The following CFAP97D2 variants were observed in gnomAD, a reference collection of about 807,000 sequenced individuals.
The protein encoded by CFAP97D2 is uncharacterized protein CFAP97D2.
At chr13:114,214,452 A>T (rs2080984696) in intron 4 of CFAP97D2, among the ~76,000 whole-genome samples, 1 of 152,178 alleles carries the variant, frequency 6.6e-6, no homozygotes, top group African/African-American at 2.4e-5. Context: ...TAAACCATAA[A>T]ATGTCAAACA....
chr13:114,208,840 T>C (rs2080953438), intron 3 of CFAP97D2, among the ~76,000 whole-genome samples: 1 of 152,186 alleles, frequency 6.6e-6, no homozygotes, highest in Admixed American at 6.5e-5. Context: ...CAGTTTTCTA[T>C]ACAGAAGCCT....
In CFAP97D2 at chr13:114,187,724, C is replaced by T. The variant is rs77776760; in HGVS notation, c.90+8304C>T. On this transcript the variant is annotated intron_variant, in intron 1 of 4. Coordinates refer to ENST00000646158, the Ensembl canonical transcript of CFAP97D2. This position sits in a 1 kb window ranked among gnomAD's most constrained non-coding sequence, Gnocchi z 4.2. ...AAATCAGTAAGGACATAGTTGAACT[C>T]AACGTCATCATCAATCAACTAGATA... Among the ~76,000 whole-genome samples the T allele has an allele frequency of 0.013, 1,981 of 152,248 alleles. 42 individuals are homozygous for T. Among genetic ancestry groups the T allele is most frequent in the African/African-American group, 0.044 (1,837 of 41,544 alleles).
At chr13:114,206,625 A>G (rs1318596728) in intron 3 of CFAP97D2, among the ~76,000 whole-genome samples, 1 of 152,234 alleles carries the variant, frequency 6.6e-6, no homozygotes, top group Non-Finnish European at 1.5e-5. Flanking sequence ...ATCTATAGAA[A>G]CAGAAAGTAG....
At chr13:114,182,386 G>A (rs952531353) in intron 1 of CFAP97D2, among the ~76,000 whole-genome samples, 56 of 149,208 alleles carry the variant, frequency 3.8e-4, no homozygotes, top group South Asian at 1.7e-3. Flanking sequence ...GTTTTATACC[G>A]AGACATTCAG....
chr13:114,188,983 AAAG>A (rs1489976771), intron 1 of CFAP97D2, among the ~76,000 whole-genome samples: 2 of 149,984 alleles, frequency 1.3e-5, no homozygotes, highest in East Asian at 3.9e-4. Flanking sequence ...AACTAAGAAA[AAAG>A]AAGGAGGAGG....
intron 4 of CFAP97D2, among the ~76,000 whole-genome samples, chr13:114,221,871 A>T (rs1164058250): frequency 1.3e-5 from 2 of 152,204 alleles, no homozygotes; most frequent in African/African-American, 4.8e-5. Flanking sequence ...TATATTCGAG[A>T]GACTTGAAAA....
intron 3 of CFAP97D2, among the ~76,000 whole-genome samples, chr13:114,204,407 C>G (rs763511444): frequency 1.3e-5 from 2 of 152,190 alleles, no homozygotes; most frequent in African/African-American, 2.4e-5. Context: ...CTTGGTCCCA[C>G]CAGCTTGACT....
chr13:114,180,313 G>T (rs1165256709), intron 1 of CFAP97D2, among the ~76,000 whole-genome samples: 1 of 152,138 alleles, frequency 6.6e-6, no homozygotes, highest in Non-Finnish European at 1.5e-5. Flanking sequence ...TTCCTCCTAG[G>T]GTTGCAAGTG....
chr13:114,221,713 TA>T (rs879790631), intron 4 of CFAP97D2, among the ~76,000 whole-genome samples: 117 of 113,668 alleles, frequency 1.0e-3, no homozygotes, highest in African/African-American at 1.6e-3. Flanking sequence ...TAAAGTGTAA[TA>T]AAAAAAAAAG....
rs1459915330 is a variant in CFAP97D2 at position 114,203,280 on chromosome 13, C to G, written c.290+2837C>G. Reference sequence around the variant, plus strand: ...TGTGTTTTTATATACTTGCAATGAGCAATCTGAAGAGGAAACTAAGAAAAC... The same window carrying G: ...TGTGTTTTTATATACTTGCAATGAGGAATCTGAAGAGGAAACTAAGAAAAC... On this transcript the variant is annotated intron_variant, in intron 3 of 4. Transcript: ENST00000646158. This position sits in a 1 kb window ranked among gnomAD's most constrained non-coding sequence, Gnocchi z 4.3. Among the ~76,000 whole-genome samples, 1 of 152,038 alleles carries G rather than the reference C, an allele frequency of 6.6e-6. No homozygotes were observed. The highest frequency in any genetic ancestry group is 1.5e-5 in the Non-Finnish European group (1 of 68,016).
intron 4 of CFAP97D2, among the ~76,000 whole-genome samples, chr13:114,216,504 T>C (rs2080994081): frequency 6.6e-6 from 1 of 152,008 alleles, no homozygotes. Context: ...TGTGTTCTCA[T>C]TGTTCAATTC....
At position 114,199,960 on chromosome 13, in the gene CFAP97D2, C is replaced by G. The variant is rs374450144; in HGVS notation, c.172-365C>G. Reference sequence around the variant, plus strand: ...CCCGTGCTTACGGTCCCCGATGAGGCGTGACGGCGCGTCCCCGTGCTTACG... The same window carrying G: ...CCCGTGCTTACGGTCCCCGATGAGGGGTGACGGCGCGTCCCCGTGCTTACG... On this transcript the variant is annotated intron_variant, in intron 2 of 4. Coordinates refer to ENST00000646158, the Ensembl canonical transcript of CFAP97D2. Among the ~76,000 whole-genome samples, 5 of 50,022 alleles carry G rather than the reference C, an allele frequency of 1.0e-4. 1 individual carries two copies. Among genetic ancestry groups the G allele is most frequent in the East Asian group, 1.2e-3 (2 of 1,604 alleles). The allele number at this position is 50,022 out of a possible 152,430, so 32.8% of individuals were successfully genotyped here.
At chr13:114,191,322 G>GA (rs1254739757) in intron 1 of CFAP97D2, among the ~76,000 whole-genome samples, 1 of 152,180 alleles carries the variant, frequency 6.6e-6, no homozygotes, top group African/African-American at 2.4e-5. Flanking sequence ...AATGTCTGGA[G>GA]AATCAGGAGA....
rs571123146 is a variant in CFAP97D2, at chr13:114,182,497, C to T, written c.90+3077C>T. ...CTCAGCACAGACCCTTTACCGGTGT[C>T]GGGCTGGGGTACAGTCAGGTCTTTC... On this transcript the variant is annotated intron_variant, in intron 1 of 4. Coordinates refer to ENST00000646158, the Ensembl canonical transcript of CFAP97D2. Among the ~76,000 whole-genome samples the T allele has an allele frequency of 2.6e-4, 39 of 151,830 alleles. No individual in the cohort carries two copies. The South Asian group carries it at 5.7e-3, about 22-fold the overall frequency.
At chr13:114,213,468 G>A (rs2080978105) in intron 4 of CFAP97D2, among the ~76,000 whole-genome samples, 3 of 144,658 alleles carry the variant, frequency 2.1e-5, no homozygotes, top group East Asian at 2.1e-4. Context: ...CCCCACCCCT[G>A]TGGAAGCTCC....
At chr13:114,190,155 A>G (rs954561852) in intron 1 of CFAP97D2, among the ~76,000 whole-genome samples, 3 of 152,094 alleles carry the variant, frequency 2.0e-5, no homozygotes, top group Admixed American at 1.3e-4. Flanking sequence ...AAAAAAAGGA[A>G]TATCTGAAAA....
At chr13:114,181,902 G>A (rs1037704497) in intron 1 of CFAP97D2, among the ~76,000 whole-genome samples, 5 of 149,736 alleles carry the variant, frequency 3.3e-5, no homozygotes, top group African/African-American at 1.2e-4. Context: ...CAGCCAGGCT[G>A]GCCATGCCTG....
rs539628352 is a variant in CFAP97D2 at position 114,185,442 on chromosome 13, T to G, written c.90+6022T>G. ...CCAGGGCTGCACACTCCACGGAGCCTGTGGGAGCCAGGAATGAGTGGGAGC... is the reference window on the plus strand; with the variant it reads ...CCAGGGCTGCACACTCCACGGAGCCGGTGGGAGCCAGGAATGAGTGGGAGC... On this transcript the variant is annotated intron_variant, in intron 1 of 4. Coordinates refer to ENST00000646158, the Ensembl canonical transcript of CFAP97D2. This position sits in a 1 kb window ranked among gnomAD's most constrained non-coding sequence, Gnocchi z 5.2. Among the ~76,000 whole-genome samples, 1 of 152,252 alleles carries G rather than the reference T, an allele frequency of 6.6e-6. No homozygotes were observed. The highest frequency in any genetic ancestry group is 2.4e-5 in the African/African-American group (1 of 41,554).
At chr13:114,221,253 AC>A (rs1452061729) in intron 4 of CFAP97D2, among the ~76,000 whole-genome samples, 2 of 152,214 alleles carry the variant, frequency 1.3e-5, no homozygotes, top group African/African-American at 4.8e-5. Flanking sequence ...TCTCAAAAAA[AC>A]AAAAAAACAA....
Sources: gnomAD v4.1 joint callset for allele counts (sites outside exome capture counted in the v4.1 genomes callset) on GRCh38, gnomAD v4.1.1 for gene constraint, Gnocchi (gnomAD v3.1) non-coding constraint, MANE v1.5 for transcripts, NCBI Gene and HGNC (gene_info 2026-07-23, HGNC 2026-07-21) for gene names.